The following SLC23A2 variants were observed in gnomAD, a reference collection of about 807,000 sequenced individuals.
The protein encoded by SLC23A2 is solute carrier family 23 member 2.
In SLC23A2, 36 loss-of-function variants were observed where a neutral mutation model predicts 73.3. That is an observed-to-expected ratio of 0.49 (90% confidence interval 0.38 to 0.65). SLC23A2 has a LOEUF of 0.65. Among genes scored for constraint, SLC23A2 ranks in the 30% least tolerant of loss-of-function variants. The probability of loss-of-function intolerance (pLI) is 0.00; values close to 1 mark genes in which losing one functional copy is unlikely to be tolerated. For missense variants in SLC23A2, 507 were observed against 841.6 expected, an observed-to-expected ratio of 0.60 and a Z score of 4.92; for synonymous variants, 343 against 327.3, an observed-to-expected ratio of 1.05 and a Z score of -0.52.
chr20:4,906,428 A>AT (rs1931958459), intron 4 of SLC23A2, among the ~76,000 whole-genome samples: 4 of 152,096 alleles, frequency 2.6e-5, no homozygotes, highest in African/African-American at 9.7e-5. Context: ...CCTGGCCAAC[A>AT]TGGTGAAACC....
At chr20:5,009,932 A>G (rs1394427210) in intron 1 of SLC23A2, among the ~76,000 whole-genome samples, 2 of 152,008 alleles carry the variant, frequency 1.3e-5, no homozygotes, top group East Asian at 3.9e-4. Context: ...CGTCTCTACT[A>G]AAATTACAAA....
intron 2 of SLC23A2, among the ~76,000 whole-genome samples, chr20:4,960,062 G>A (rs1195688882): frequency 6.6e-6 from 1 of 152,152 alleles, no homozygotes; most frequent in Non-Finnish European, 1.5e-5. Flanking sequence ...CCAAAGTGCT[G>A]GGATTACAAC....
chr20:4,868,046 AC>A lies in SLC23A2; in HGVS notation c.1251-172del, dbSNP rs1375444092. 1.3e-5 allele frequency among the ~76,000 whole-genome samples: 2 copies of A among 149,154 alleles called. No individual in the cohort carries two copies. Among genetic ancestry groups the A allele is most frequent in the African/African-American group, 4.9e-5 (2 of 40,416 alleles). On this transcript the variant is annotated intron_variant, in intron 12 of 16. Coordinates refer to ENST00000338244, the MANE Select transcript of SLC23A2 (RefSeq NM_005116.6). This position sits in a 1 kb window ranked among gnomAD's most constrained non-coding sequence, Gnocchi z 4.4. ...AATACAATCTCAGACCCCACCCCAG[AC>A]CTGCTGAAGCAGAAAAGAATCTGCA...
chr20:4,858,190 A>G (rs1929814448), intron 16 of SLC23A2, among the ~76,000 whole-genome samples: 1 of 152,118 alleles, frequency 6.6e-6, no homozygotes, highest in Non-Finnish European at 1.5e-5. Flanking sequence ...CAGGTCATGT[A>G]CCTGTTGTGC....
chr20:4,859,501 G>GTGCACAACTAAGAAA, intron 15 of SLC23A2, 117 bp from the exon 16 acceptor site: 1 of 735,114 alleles, frequency 1.4e-6, no homozygotes, highest in Non-Finnish European at 2.5e-6. Flanking sequence ...GGAAAGGAAA[G>GTGCACAACTAAGAAA]TGTACATTTC....
chr20:4,882,230 C>G (rs1309637629), intron 9 of SLC23A2, among the ~76,000 whole-genome samples: 1 of 151,972 alleles, frequency 6.6e-6, no homozygotes, highest in Non-Finnish European at 1.5e-5. Context: ...CAAAAACTAG[C>G]CGGGTGTGGT....
At chr20:4,867,706 G>C (rs1415337955) in intron 13 of SLC23A2, 64 bp downstream of exon 13, 21 of 900,904 alleles carry the variant, frequency 2.3e-5, no homozygotes, top group Non-Finnish European at 3.4e-5. Context: ...GCAGTGGCCA[G>C]ATCGATCAAT....
Position 4,854,450 on chromosome 20 carries a change from C to G in SLC23A2, c.*2522G>C, listed in dbSNP as rs567089612. 3.3e-5 allele frequency: 5 copies of G among 152,080 alleles called. No individual in the cohort carries two copies. Among genetic ancestry groups the G allele is most frequent in the Admixed American group, 2.0e-4 (3 of 15,260 alleles). The allele number at this position is 152,080 out of a possible 1,614,324, so 9.4% of individuals were successfully genotyped here. ...CAAGTTTATTAGTCATTAGGGGACT[C>G]CAATCACTCAAGGCTGTGCAGAAAG... On this transcript the variant is annotated 3_prime_UTR_variant, in exon 17 of 17. Coordinates refer to ENST00000338244, the MANE Select transcript of SLC23A2 (RefSeq NM_005116.6).
chr20:4,887,012 A>G (rs1463302854), intron 6 of SLC23A2, among the ~76,000 whole-genome samples: 1 of 152,214 alleles, frequency 6.6e-6, no homozygotes, highest in East Asian at 1.9e-4. Context: ...CACCATTCTG[A>G]GCCAGTGAGG....
At chr20:4,976,905 G>T (rs2087650905) in intron 1 of SLC23A2, among the ~76,000 whole-genome samples, 1 of 152,048 alleles carries the variant, frequency 6.6e-6, no homozygotes, top group South Asian at 2.1e-4. Context: ...GAATCAGGGG[G>T]GCGGAGGTTG....
At chr20:5,001,764 C>T (rs1298367740), upstream of SLC23A2, among the ~76,000 whole-genome samples, 1 of 152,104 alleles carries the variant, frequency 6.6e-6, no homozygotes, top group East Asian at 2.0e-4. Context: ...ACCAGTCACA[C>T]CTGTTCCTGG....
At chr20:4,875,680 C>T (rs1045918963) in intron 9 of SLC23A2, among the ~76,000 whole-genome samples, 7 of 152,186 alleles carry the variant, frequency 4.6e-5, no homozygotes, top group South Asian at 2.1e-4. Flanking sequence ...TGGTGTCCCA[C>T]GGGGCTGGCA....
rs529751601 is a variant in SLC23A2, at chr20:4,961,480, AG to A, written c.-155+9312del. Among the ~76,000 whole-genome samples, 546 of 152,304 alleles carry A rather than the reference AG, an allele frequency of 3.6e-3. 6 individuals are homozygous for A. Among genetic ancestry groups the A allele is most frequent in the African/African-American group, 0.013 (535 of 41,554 alleles). On this transcript the variant is annotated intron_variant, in intron 2 of 16. Transcript: ENST00000338244. ...AGCAAGCTTGTCCAGCTCTCGGCCC[AG>A]GACAGCTGTGAATGCAGCCCAACAC...
Position 4,883,686 on chromosome 20 carries a change from C to G in SLC23A2, c.780G>C (p.Gln260His). ...GCTTCCCGGCTCTCTCCCCCGCTGC[C>G]TGGAAACCAGAGAGGCCAATTAGGG... ...TVALIGLSGF[Q>H]AAGERAGKHW... Residue 260 changes from glutamine (Q) to histidine (H), a missense_variant, in exon 9 of 17, where the codon CAG (glutamine) becomes CAC (histidine). Around this residue, in one of 5 missense-constraint regions of SLC23A2, gnomAD observed 217 missense variants for 398.0 expected, o/e 0.55. Transcript: ENST00000338244. The surrounding 1 kb of genome is among the most constrained non-coding windows in gnomAD (Gnocchi z 4.5). 6.2e-7 allele frequency: 1 copy of G among 1,613,656 alleles called. No homozygotes were observed. Among genetic ancestry groups the G allele is most frequent in the Non-Finnish European group, 8.5e-7 (1 of 1,179,762 alleles).
rs1929573738 is a variant in SLC23A2 at position 4,852,769 on chromosome 20, G to C, written c.*4203C>G. 6.6e-6 allele frequency: 1 copy of C among 152,484 alleles called. No homozygotes were observed. The highest frequency in any genetic ancestry group is 6.5e-5 in the Admixed American group (1 of 15,282). The allele number at this position is 152,484 out of a possible 1,614,324, so 9.4% of individuals were successfully genotyped here. On this transcript the variant is annotated 3_prime_UTR_variant, in exon 17 of 17. Coordinates refer to ENST00000338244, the MANE Select transcript of SLC23A2 (RefSeq NM_005116.6). The surrounding 1 kb of genome is among the most constrained non-coding windows in gnomAD (Gnocchi z 4.3). ...GGAGAGTCATTTGAACTGTCAGTAA[G>C]ATGGCAACGTGGGGAAGGGTGTCCT... is the stretch of plus-strand genomic sequence containing the variant.
intron 1 of SLC23A2, among the ~76,000 whole-genome samples, chr20:4,983,804 A>G (rs1227771044): frequency 2.0e-5 from 3 of 151,540 alleles, no homozygotes; most frequent in Non-Finnish European, 4.4e-5. Flanking sequence ...TAAAAATACA[A>G]AATTAGCCAG....
In SLC23A2 at chr20:4,928,713, A is replaced by G. The variant is rs141800213; in HGVS notation, c.108+3742T>C. Among the ~76,000 whole-genome samples, 424 of 152,322 alleles carry G rather than the reference A, an allele frequency of 2.8e-3. 5 individuals carry two copies. Among genetic ancestry groups the G allele is most frequent in the Middle Eastern group, 0.014 (4 of 294 alleles). ...TAGACTGGGATAAAAATTCCATAAC[A>G]TCCTTAATTAAATGGCTCTACTGTT... On this transcript the variant is annotated intron_variant, in intron 3 of 16. Coordinates refer to ENST00000338244, the MANE Select transcript of SLC23A2 (RefSeq NM_005116.6).
intron 7 of SLC23A2, 85 bp downstream of exon 7, chr20:4,885,736 C>A: frequency 1.1e-6 from 1 of 915,074 alleles, no homozygotes; most frequent in South Asian, 1.3e-5. Flanking sequence ...AAGGATTTAG[C>A]GCTGCTGAGG....
chr20:4,921,447 G>A (rs978014284), intron 3 of SLC23A2, among the ~76,000 whole-genome samples: 1 of 151,942 alleles, frequency 6.6e-6, no homozygotes, highest in Non-Finnish European at 1.5e-5. Context: ...CTAGCTGGGC[G>A]TGGTGGTGCA....
Sources: allele counts gnomAD v4.1 joint callset (sites outside exome capture counted in the v4.1 genomes callset), GRCh38; gene constraint gnomAD v4.1.1; regional missense constraint gnomAD v4.1.1; non-coding constraint Gnocchi (gnomAD v3.1); transcripts MANE v1.5; gene names NCBI Gene and HGNC (gene_info 2026-07-23, HGNC 2026-07-21).